Variants in POU6F2 observed in about 807,000 individuals in gnomAD.
POU6F2 encodes POU class 6 homeobox 2.
A neutral mutation model predicts 71.3 loss-of-function variants in POU6F2; 31 were observed. The observed-to-expected ratio is 0.43, with a 90% CI of 0.33 to 0.59. The LOEUF is 0.59. Among genes scored for constraint, POU6F2 ranks in the 20% least tolerant of loss-of-function variants. The pLI, the probability that POU6F2 is intolerant of heterozygous loss-of-function variation, is 0.04. For synonymous variants in POU6F2, 347 were observed against 355.7 expected, an observed-to-expected ratio of 0.98 and a Z score of 0.27; for missense variants, 783 against 856.8, an observed-to-expected ratio of 0.91 and a Z score of 1.07.
At chr7:39,083,880 CAG>C (rs915369330) in intron 1 of POU6F2, 12 of 152,032 alleles carry the variant, frequency 7.9e-5, no homozygotes, top group Non-Finnish European at 1.5e-4. Context: ...CTGGTGCTGA[CAG>C]AGAGTAGTAT....
At chr7:39,372,975 T>C (rs995882198) in intron 5 of POU6F2, among the ~76,000 whole-genome samples, 1 of 152,090 alleles carries the variant, frequency 6.6e-6, no homozygotes, top group African/African-American at 2.4e-5. Context: ...AGAGGCAAGA[T>C]GTATAGTTAG....
intron 4 of POU6F2, among the ~76,000 whole-genome samples, chr7:39,336,414 G>T (rs564524263): frequency 6.6e-6 from 1 of 152,232 alleles, no homozygotes; most frequent in South Asian, 2.1e-4. Flanking sequence ...AGGCTGTCTG[G>T]CTTCTTTCAC....
chr7:39,092,086 T>G (rs13242821), intron 2 of POU6F2, among the ~76,000 whole-genome samples: 6,014 of 152,304 alleles, frequency 0.039, 168 homozygotes, highest in Middle Eastern at 0.078. Context: ...TGCCCAAATA[T>G]GCACCTGGCT....
chr7:39,430,109 C>T (rs932441127), intron 6 of POU6F2, among the ~76,000 whole-genome samples: 1 of 152,184 alleles, frequency 6.6e-6, no homozygotes, highest in African/African-American at 2.4e-5. Context: ...ATTTAGATGA[C>T]ACAATGTGTG....
At chr7:39,385,446 G>A (rs1441999524) in intron 5 of POU6F2, among the ~76,000 whole-genome samples, 4 of 152,212 alleles carry the variant, frequency 2.6e-5, no homozygotes. Flanking sequence ...CAGTGAGAGA[G>A]AAGTATGCTA....
At position 39,191,847 on chromosome 7, in the gene POU6F2, A is replaced by C. The variant is rs189970227; in HGVS notation, c.278-12388A>C. ...TTATAGTAATGTGAAGAAATAGACT[A>C]AGTGAGGGAAAATGGTAAGAGACAC... On this transcript the variant is annotated intron_variant, in intron 2 of 9. Coordinates refer to ENST00000518318, the MANE Select transcript of POU6F2 (RefSeq NM_001370959.1). Among the ~76,000 whole-genome samples the C allele has an allele frequency of 2.0e-5, 3 of 152,312 alleles. No homozygotes were observed. In the East Asian group the frequency reaches 5.8e-4, roughly 29 times the overall value.
chr7:39,270,014 G>C (rs1424958074), intron 4 of POU6F2, among the ~76,000 whole-genome samples: 2 of 152,226 alleles, frequency 1.3e-5, no homozygotes, highest in African/African-American at 2.4e-5. Context: ...TAAAACAAAA[G>C]TCATGAAGAA....
At chr7:39,421,751 G>C (rs1787855543) in intron 6 of POU6F2, among the ~76,000 whole-genome samples, 1 of 152,028 alleles carries the variant, frequency 6.6e-6, no homozygotes, top group South Asian at 2.1e-4. Flanking sequence ...CATTTGGGAA[G>C]AAAAATAATA....
At chr7:39,334,513 T>TAAA (rs398066804) in intron 4 of POU6F2, among the ~76,000 whole-genome samples, 1 of 143,840 alleles carries the variant, frequency 7.0e-6, no homozygotes, top group Non-Finnish European at 1.5e-5. Context: ...TTTGAAAAAT[T>TAAA]AAAAAAAAAA....
intron 1 of POU6F2, among the ~76,000 whole-genome samples, chr7:38,991,410 G>A (rs1324633666): frequency 2.6e-5 from 4 of 152,100 alleles, no homozygotes; most frequent in South Asian, 2.1e-4. Flanking sequence ...CTTGTGCCCT[G>A]CATTTTGATC....
At chr7:39,159,555 C>T (rs1421625352) in intron 2 of POU6F2, among the ~76,000 whole-genome samples, 4 of 152,174 alleles carry the variant, frequency 2.6e-5, no homozygotes, top group Non-Finnish European at 5.9e-5. Context: ...TGGGTAAACA[C>T]ATAAGCATAT....
At chr7:39,150,618 C>G (rs913655324) in intron 2 of POU6F2, among the ~76,000 whole-genome samples, 2 of 151,762 alleles carry the variant, frequency 1.3e-5, no homozygotes, top group Admixed American at 1.3e-4. Flanking sequence ...AGGCGCCCAC[C>G]ACCATGCCTG....
intron 1 of POU6F2, among the ~76,000 whole-genome samples, chr7:39,009,561 T>G (rs954036002): frequency 6.6e-5 from 10 of 152,104 alleles, no homozygotes; most frequent in African/African-American, 2.4e-4. Flanking sequence ...AACACTATGT[T>G]GAATAGGAGT....
intron 4 of POU6F2, among the ~76,000 whole-genome samples, chr7:39,320,614 T>G (rs1785367580): frequency 6.6e-6 from 1 of 152,176 alleles, no homozygotes; most frequent in Admixed American, 6.5e-5. Flanking sequence ...AGTTGCTGCT[T>G]TTCTGAGGGG....
At chr7:39,262,660 G>T (rs1266453095) in intron 4 of POU6F2, among the ~76,000 whole-genome samples, 1 of 152,140 alleles carries the variant, frequency 6.6e-6, no homozygotes, top group Non-Finnish European at 1.5e-5. Context: ...AAAATGAGTA[G>T]AATTGCCATA....
chr7:39,014,422 A>G (rs930593223), intron 1 of POU6F2, among the ~76,000 whole-genome samples: 1 of 152,198 alleles, frequency 6.6e-6, no homozygotes, highest in African/African-American at 2.4e-5. Flanking sequence ...AGGGGATAAA[A>G]TTAATTTTAC....
In POU6F2 at chr7:39,276,893, G is replaced by A. The variant is rs574195922; in HGVS notation, c.599-62749G>A. ...CAGGAAGGGGAACATCACACTCTGG[G>A]GACTGTTGTGGGGTAGGGGGAGGGG... On this transcript the variant is annotated intron_variant, in intron 4 of 9. Coordinates refer to ENST00000518318, the MANE Select transcript of POU6F2 (RefSeq NM_001370959.1). 2.7e-3 allele frequency among the ~76,000 whole-genome samples: 401 copies of A among 147,962 alleles called. 1 individual carries two copies. Among genetic ancestry groups the A allele is most frequent in the African/African-American group, 9.7e-3 (386 of 39,976 alleles).
intron 4 of POU6F2, among the ~76,000 whole-genome samples, chr7:39,275,908 G>A (rs1014110668): frequency 6.6e-6 from 1 of 151,504 alleles, no homozygotes; most frequent in Non-Finnish European, 1.5e-5. Context: ...AATTCAAGAT[G>A]GATTAAAGAC....
intron 2 of POU6F2, among the ~76,000 whole-genome samples, chr7:39,110,187 C>G (rs1385754916): frequency 6.7e-6 from 1 of 149,700 alleles, no homozygotes. Flanking sequence ...AGGAGAATCA[C>G]TTGAACCTGG....
Sources: allele counts gnomAD v4.1 joint callset (sites outside exome capture counted in the v4.1 genomes callset), GRCh38; gene constraint gnomAD v4.1.1; transcripts MANE v1.5; gene names NCBI Gene and HGNC (gene_info 2026-07-23, HGNC 2026-07-21).